Variants in FOXN3 observed in about 807,000 individuals in gnomAD.
FOXN3 encodes forkhead box protein N3.
A neutral mutation model predicts 38.4 loss-of-function variants in FOXN3; 7 were observed. The ratio of observed to expected loss-of-function variants is 0.18; its 90% CI spans 0.10 to 0.34. FOXN3 has a LOEUF of 0.34. Ranked by LOEUF, FOXN3 falls within the 10% of genes least tolerant of loss-of-function variation. FOXN3 has a pLI of 1.00. For missense variants in FOXN3, 456 were observed against 613.4 expected, an observed-to-expected ratio of 0.74 and a Z score of 2.71; for synonymous variants, 230 against 242.2, an observed-to-expected ratio of 0.95 and a Z score of 0.47.
At chr14:89,516,843 G>C (rs1894215719) in intron 1 of FOXN3, among the ~76,000 whole-genome samples, 1 of 152,178 alleles carries the variant, frequency 6.6e-6, no homozygotes, top group South Asian at 2.1e-4. Context: ...GATGACAGGT[G>C]TGAGCCATTG....
chr14:89,257,285 T>C (rs1885654046), intron 4 of FOXN3, among the ~76,000 whole-genome samples: 1 of 152,224 alleles, frequency 6.6e-6, no homozygotes, highest in Non-Finnish European at 1.5e-5. Context: ...ATGCAGGGAA[T>C]GGACCCATTT....
chr14:89,448,868 G>C (rs2139707857), intron 1 of FOXN3, among the ~76,000 whole-genome samples: 1 of 152,104 alleles, frequency 6.6e-6, no homozygotes, highest in Non-Finnish European at 1.5e-5. Flanking sequence ...ATTGAGCCTG[G>C]GAAGTCAAGG....
At chr14:89,211,877 C>T (rs925975952) in intron 4 of FOXN3, among the ~76,000 whole-genome samples, 43 of 152,192 alleles carry the variant, frequency 2.8e-4, no homozygotes, top group African/African-American at 1.0e-3. Context: ...AAAATTCATA[C>T]ATTGAATCCC....
upstream of FOXN3, chr14:89,417,773 C>T (rs1275750487): frequency 4.4e-6 from 2 of 455,120 alleles, no homozygotes; most frequent in Non-Finnish European, 8.8e-6. Context: ...AGCCCTCTCC[C>T]AGCGACCACC....
At chr14:89,237,300 C>T (rs1384827908) in intron 4 of FOXN3, among the ~76,000 whole-genome samples, 1 of 152,164 alleles carries the variant, frequency 6.6e-6, no homozygotes, top group Admixed American at 6.5e-5. Context: ...CATTAAATAC[C>T]TTCAGAATGG....
In FOXN3 at chr14:89,363,959, TATATATATA is replaced by T. The variant is rs1398040188; in HGVS notation, c.544-13160_544-13152del. Among the ~76,000 whole-genome samples, 8 of 10,690 alleles carry T rather than the reference TATATATATA, an allele frequency of 7.5e-4. No individual in the cohort carries two copies. The East Asian group carries it at 0.02, about 26-fold the overall frequency. 7.0% of individuals were successfully genotyped at this position (10,690 alleles called of 152,430 possible). ...ACCCTGTCTGTAAAATATATATATA[TATATATATA>T]TATATATATATATATATATAATATA... On this transcript the variant is annotated intron_variant, in intron 2 of 5. Coordinates refer to ENST00000557258, the MANE Select transcript of FOXN3 (RefSeq NM_005197.4).
intron 2 of FOXN3, among the ~76,000 whole-genome samples, chr14:89,377,020 CAAAAAAAAAAAAAAAAAAAAA>C (rs59105357): frequency 4.4e-4 from 19 of 42,784 alleles, no homozygotes; most frequent in African/African-American, 1.3e-3. Context: ...GACTCTGTCT[CAAAAAAAAAAAAAAAAAAAAA>C]AAAAAAAAAA....
intron 4 of FOXN3, among the ~76,000 whole-genome samples, chr14:89,227,341 C>T (rs1164069682): frequency 6.6e-6 from 1 of 152,188 alleles, no homozygotes; most frequent in Admixed American, 6.5e-5. Context: ...ATGTTCACAG[C>T]GGATCTCCTT....
chr14:89,546,070 AAAATT>A (rs1230501615), intron 1 of FOXN3, among the ~76,000 whole-genome samples: 1 of 152,192 alleles, frequency 6.6e-6, no homozygotes, highest in African/African-American at 2.4e-5. Context: ...TAACCCCTGA[AAAATT>A]AAAACTTTTT....
intron 4 of FOXN3, among the ~76,000 whole-genome samples, chr14:89,265,827 G>A (rs564737079): frequency 7.2e-5 from 11 of 152,144 alleles, no homozygotes; most frequent in Non-Finnish European, 1.2e-4. Context: ...CCAAGGTCTC[G>A]GGGCATACGG....
intron 1 of FOXN3, among the ~76,000 whole-genome samples, chr14:89,585,331 G>A (rs1197730876): frequency 6.6e-6 from 1 of 152,074 alleles, no homozygotes. Context: ...CATCCAAGCT[G>A]CCAGAAATGT....
At chr14:89,420,822 G>A (rs1306072304), upstream of FOXN3, among the ~76,000 whole-genome samples, 1 of 151,348 alleles carries the variant, frequency 6.6e-6, no homozygotes, top group Non-Finnish European at 1.5e-5. Context: ...GTTAAGGTCA[G>A]AGGGCAAAGG....
At chr14:89,239,652 C>T (rs1036696998) in intron 4 of FOXN3, among the ~76,000 whole-genome samples, 5 of 152,186 alleles carry the variant, frequency 3.3e-5, no homozygotes, top group East Asian at 1.9e-4. Flanking sequence ...ACATGGTTGC[C>T]GCATTAACCA....
At chr14:89,513,657 C>T (rs1325969953) in intron 1 of FOXN3, among the ~76,000 whole-genome samples, 2 of 152,082 alleles carry the variant, frequency 1.3e-5, no homozygotes, top group African/African-American at 2.4e-5. Context: ...TGCAATGGCA[C>T]GATCTCGGCT....
At chr14:89,359,752 G>A (rs577605105) in intron 2 of FOXN3, among the ~76,000 whole-genome samples, 2 of 152,324 alleles carry the variant, frequency 1.3e-5, no homozygotes, top group East Asian at 3.9e-4. Context: ...CCTTCCTTAA[G>A]GAGGAGAGGC....
At chr14:89,270,725 GATC>G (rs1886127397) in intron 4 of FOXN3, among the ~76,000 whole-genome samples, 1 of 152,188 alleles carries the variant, frequency 6.6e-6, no homozygotes, top group African/African-American at 2.4e-5. Flanking sequence ...ATGCTACACA[GATC>G]ATCATCAATC....
intron 2 of FOXN3, among the ~76,000 whole-genome samples, chr14:89,391,955 T>C (rs534823108): frequency 2.6e-5 from 4 of 152,270 alleles, no homozygotes; most frequent in African/African-American, 9.6e-5. Flanking sequence ...TGCAGTGAGC[T>C]GAGATGGCAC....
intron 1 of FOXN3, among the ~76,000 whole-genome samples, chr14:89,545,842 G>A (rs190918272): frequency 1.7e-4 from 26 of 152,288 alleles, no homozygotes; most frequent in South Asian, 1.5e-3. Flanking sequence ...CCTTTGCTGA[G>A]CCACTGCTCC....
intron 1 of FOXN3, among the ~76,000 whole-genome samples, chr14:89,535,177 T>C (rs527835525): frequency 1.7e-4 from 26 of 151,388 alleles, no homozygotes; most frequent in Admixed American, 7.9e-4. Flanking sequence ...ATGTTTTAAA[T>C]AACGCACAGC....
Sources: gnomAD v4.1 joint callset for allele counts (sites outside exome capture counted in the v4.1 genomes callset) on GRCh38, gnomAD v4.1.1 for gene constraint, MANE v1.5 for transcripts, NCBI Gene and HGNC (gene_info 2026-07-23, HGNC 2026-07-21) for gene names.